SNCB: variants seen among roughly 807,000 people sequenced by gnomAD.
SNCB encodes the protein synuclein beta.
SNCB carries 8 observed loss-of-function variants against 20.0 expected under a neutral mutation model. The observed-to-expected ratio is 0.40, with a 90% CI of 0.24 to 0.72. The LOEUF (loss-of-function observed/expected upper bound fraction) is 0.72. SNCB is among the 30% of genes least tolerant of loss of function. The pLI is 0.37. For missense variants in SNCB, 125 were observed against 168.0 expected, an observed-to-expected ratio of 0.74 and a Z score of 1.41; for synonymous variants, 56 against 65.4, an observed-to-expected ratio of 0.86 and a Z score of 0.69.
intron 4 of SNCB, among the ~76,000 whole-genome samples, chr5:176,625,093 C>T (rs549918838): frequency 3.3e-5 from 5 of 152,358 alleles, no homozygotes; most frequent in South Asian, 2.1e-4. Context: ...GCATTCACAG[C>T]GAATGCCTGC....
Position 176,621,551 on chromosome 5 carries a change from A to G in SNCB, c.283-248T>C, listed in dbSNP as rs916158943. 2.6e-5 allele frequency among the ~76,000 whole-genome samples: 4 copies of G among 152,186 alleles called. No individual in the cohort carries two copies. Among genetic ancestry groups the G allele is most frequent in the Non-Finnish European group, 2.9e-5 (2 of 68,004 alleles). On this transcript the variant is annotated intron_variant, in intron 4 of 5. Transcript: ENST00000393693. The surrounding 1 kb of genome is among the most constrained non-coding windows in gnomAD (Gnocchi z 4.1). The stretch of plus-strand genomic sequence containing the variant: ...GCTGGCTCTCCACGCCGCTCCCCCA[A>G]TGCCTGGCAGCCTCCACACTTCCAC...
chr5:176,622,483 C>T (rs1043379134), intron 4 of SNCB, among the ~76,000 whole-genome samples: 1 of 108,338 alleles, frequency 9.2e-6, no homozygotes, highest in East Asian at 3.0e-4. Context: ...GAGTGAGACT[C>T]CATCTCAACA....
chr5:176,627,081 G>T (rs1760009614), intron 2 of SNCB, among the ~76,000 whole-genome samples: 1 of 152,234 alleles, frequency 6.6e-6, no homozygotes, highest in African/African-American at 2.4e-5. Flanking sequence ...TGGGAGGCGG[G>T]TGCTGTTATT....
chr5:176,624,820 A>C (rs1395797383), intron 4 of SNCB, among the ~76,000 whole-genome samples: 2 of 151,398 alleles, frequency 1.3e-5, no homozygotes, highest in Non-Finnish European at 3.0e-5. Context: ...AAAAAAAACA[A>C]AAAAAAACAA....
chr5:176,623,741 T>C (rs1305726795), intron 4 of SNCB, among the ~76,000 whole-genome samples: 4 of 151,888 alleles, frequency 2.6e-5, no homozygotes, highest in Non-Finnish European at 5.9e-5. Context: ...AAAATACCCA[T>C]AGCCTGTAAT....
rs566512050 is a variant in SNCB, at chr5:176,624,376, C to T, written c.282+2022G>A. On this transcript the variant is annotated intron_variant, in intron 4 of 5. Transcript: ENST00000393693. ...AACCTCAGTCTCTTCATCTGTAAAA[C>T]GGGCTGGTTATGGTGCCACATTGGG... is the stretch of plus-strand genomic sequence containing the variant. 2.2e-4 allele frequency among the ~76,000 whole-genome samples: 33 copies of T among 152,336 alleles called. No individual in the cohort carries two copies. In the South Asian group the frequency reaches 6.2e-3, roughly 29 times the overall value.
chr5:176,624,279 T>A (rs1236016166), intron 4 of SNCB, among the ~76,000 whole-genome samples: 1 of 152,216 alleles, frequency 6.6e-6, no homozygotes, highest in Non-Finnish European at 1.5e-5. Context: ...TGGCCTGAGC[T>A]TATCCTCCTG....
rs1256360564 is a variant in SNCB, at chr5:176,621,383, T to C, written c.283-80A>G. 4.2e-6 allele frequency: 5 copies of C among 1,203,660 alleles called. No homozygotes were observed. Among genetic ancestry groups the C allele is most frequent in the Admixed American group, 1.9e-5 (1 of 51,390 alleles). The allele number at this position is 1,203,660 out of a possible 1,614,324, so 74.6% of individuals were successfully genotyped here. On this transcript the variant is annotated intron_variant, in intron 4 of 5. Coordinates refer to ENST00000393693, the MANE Select transcript of SNCB (RefSeq NM_003085.5). This position sits in a 1 kb window ranked among gnomAD's most constrained non-coding sequence, Gnocchi z 4.1. Reference sequence around the variant, plus strand: ...CCCACAGTGGTAAGCTTTGGGTGGGTTGGAGTGGGGAAGGCTAGGGTGGGT... The same window carrying C: ...CCCACAGTGGTAAGCTTTGGGTGGGCTGGAGTGGGGAAGGCTAGGGTGGGT...
chr5:176,621,420 G>A lies in SNCB; in HGVS notation c.283-117C>T. 1 of 786,992 alleles carries A rather than the reference G, an allele frequency of 1.3e-6. No individual in the cohort carries two copies. Among genetic ancestry groups the A allele is most frequent in the Non-Finnish European group, 2.2e-6 (1 of 452,318 alleles). The allele number at this position is 786,992 out of a possible 1,614,324, so 48.8% of individuals were successfully genotyped here. A position where few individuals can be genotyped will look rare whatever the true frequency, so the allele number is the denominator to read the frequency against. The stretch of plus-strand genomic sequence containing the variant: ...AGGCTAGGGTGGGTTGGCAGAGCAA[G>A]GATAATTTCTAATTCAGTTATTTAT... On this transcript the variant is annotated intron_variant, in intron 4 of 5. Coordinates refer to ENST00000393693, the MANE Select transcript of SNCB (RefSeq NM_003085.5). The surrounding 1 kb of genome is among the most constrained non-coding windows in gnomAD (Gnocchi z 4.1).
At chr5:176,627,512 T>C (rs1760041550) in intron 2 of SNCB, among the ~76,000 whole-genome samples, 1 of 152,168 alleles carries the variant, frequency 6.6e-6, no homozygotes, top group Non-Finnish European at 1.5e-5. Flanking sequence ...TCAAAATGTC[T>C]GGGGGCCGCT....
At position 176,629,869 on chromosome 5, in the gene SNCB, G is replaced by T; in HGVS notation, c.-9-206C>A. 1.6e-6 allele frequency: 1 copy of T among 611,636 alleles called. No individual in the cohort carries two copies. Among genetic ancestry groups the T allele is most frequent in the Non-Finnish European group, 2.6e-6 (1 of 381,002 alleles). 37.9% of individuals were successfully genotyped at this position (611,636 alleles called of 1,614,324 possible). A position where few individuals can be genotyped will look rare whatever the true frequency, so the allele number is the denominator to read the frequency against. ...AGTCCTAGCGTCCTTGAAACCTGGGGACGCGGGAGGGGCCACTGCCTCGGT... is the reference window on the plus strand; with the variant it reads ...AGTCCTAGCGTCCTTGAAACCTGGGTACGCGGGAGGGGCCACTGCCTCGGT... On this transcript the variant is annotated intron_variant, in intron 1 of 5. Coordinates refer to ENST00000393693, the MANE Select transcript of SNCB (RefSeq NM_003085.5). The surrounding 1 kb of genome is among the most constrained non-coding windows in gnomAD (Gnocchi z 4.1).
chr5:176,621,453 G>C lies in SNCB; in HGVS notation c.283-150C>G. 1.4e-6 allele frequency: 1 copy of C among 713,750 alleles called. No individual in the cohort carries two copies. The highest frequency in any genetic ancestry group is 2.7e-5 in the East Asian group (1 of 36,972). 44.2% of individuals were successfully genotyped at this position (713,750 alleles called of 1,614,324 possible). On this transcript the variant is annotated intron_variant, in intron 4 of 5. Transcript: ENST00000393693. This position sits in a 1 kb window ranked among gnomAD's most constrained non-coding sequence, Gnocchi z 4.1. ...TCTAATTCAGTTATTTATTTGGAGT[G>C]CCTTGGAAGTGGGATGGAGGTGAAG...
In SNCB at chr5:176,629,105, C is replaced by T. The variant is rs1760161569; in HGVS notation, c.121+429G>A. Among the ~76,000 whole-genome samples the T allele has an allele frequency of 6.6e-6, 1 of 152,144 alleles. No individual in the cohort carries two copies. Among genetic ancestry groups the T allele is most frequent in the African/African-American group, 2.4e-5 (1 of 41,420 alleles). ...GCATTTACCAGCTGCTGACCTTGGG[C>T]AAGGTACTTAGATCTCTGGGAAGCC... On this transcript the variant is annotated intron_variant, in intron 2 of 5. Coordinates refer to ENST00000393693, the MANE Select transcript of SNCB (RefSeq NM_003085.5). The surrounding 1 kb of genome is among the most constrained non-coding windows in gnomAD (Gnocchi z 4.1).
At chr5:176,625,709 C>G (rs145390732) in intron 4 of SNCB, among the ~76,000 whole-genome samples, 1 of 152,152 alleles carries the variant, frequency 6.6e-6, no homozygotes, top group Non-Finnish European at 1.5e-5. Flanking sequence ...CAGATCACAC[C>G]CACCCCAGCA....
chr5:176,623,583 C>A (rs989217573), intron 4 of SNCB, among the ~76,000 whole-genome samples: 2 of 152,142 alleles, frequency 1.3e-5, no homozygotes, highest in Non-Finnish European at 2.9e-5. Flanking sequence ...GGGATAGGAA[C>A]TGGAAGGGGT....
At chr5:176,623,856 C>A (rs1259509915) in intron 4 of SNCB, among the ~76,000 whole-genome samples, 1 of 152,124 alleles carries the variant, frequency 6.6e-6, no homozygotes, top group Admixed American at 6.5e-5. Flanking sequence ...AAACAAACAA[C>A]CCCAGCCTGG....
Position 176,621,837 on chromosome 5 carries a change from G to A in SNCB, c.283-534C>T, listed in dbSNP as rs2113376889. Among the ~76,000 whole-genome samples, 1 of 152,332 alleles carries A rather than the reference G, an allele frequency of 6.6e-6. No homozygotes were observed. On this transcript the variant is annotated intron_variant, in intron 4 of 5. Transcript: ENST00000393693. This position sits in a 1 kb window ranked among gnomAD's most constrained non-coding sequence, Gnocchi z 4.1. ...CCACAGCTCGTGGTGTTGCTTGGAT[G>A]TGTGAGCTAAGACTCTCCCCCCCAC...
At position 176,621,149 on chromosome 5, in the gene SNCB, C is replaced by A; in HGVS notation, c.372+65G>T. ...ATCTCATGCCAGGGATGTCCCACCC[C>A]AGCTAGGGACGGCAGCAATCATCCT... On this transcript the variant is annotated intron_variant, in intron 5 of 5. Coordinates refer to ENST00000393693, the MANE Select transcript of SNCB (RefSeq NM_003085.5). The surrounding 1 kb of genome is among the most constrained non-coding windows in gnomAD (Gnocchi z 4.1). The A allele has an allele frequency of 7.6e-7, 1 of 1,312,016 alleles. No individual in the cohort carries two copies. 81.3% of individuals were successfully genotyped at this position (1,312,016 alleles called of 1,614,324 possible).
rs1405802636 is a variant in SNCB, at chr5:176,621,484, A to T, written c.283-181T>A. Among the ~76,000 whole-genome samples the T allele has an allele frequency of 1.3e-5, 2 of 152,166 alleles. No homozygotes were observed. Among genetic ancestry groups the T allele is most frequent in the Non-Finnish European group, 2.9e-5 (2 of 68,012 alleles). The stretch of plus-strand genomic sequence containing the variant: ...GAAGTGGGATGGAGGTGAAGGGGGA[A>T]ATTCCCCCGAATCACAGTTGAAGTG... On this transcript the variant is annotated intron_variant, in intron 4 of 5. Coordinates refer to ENST00000393693, the MANE Select transcript of SNCB (RefSeq NM_003085.5). This position sits in a 1 kb window ranked among gnomAD's most constrained non-coding sequence, Gnocchi z 4.1.
Sources: allele counts gnomAD v4.1 joint callset (sites outside exome capture counted in the v4.1 genomes callset), GRCh38; gene constraint gnomAD v4.1.1; non-coding constraint Gnocchi (gnomAD v3.1); transcripts MANE v1.5; gene names NCBI Gene and HGNC (gene_info 2026-07-23, HGNC 2026-07-21).